The following MRPL27 variants were observed in gnomAD, a reference collection of about 807,000 sequenced individuals.
MRPL27 encodes large ribosomal subunit protein bL27m.
MRPL27 carries 4 observed loss-of-function variants against 14.6 expected under a neutral mutation model. The ratio of observed to expected loss-of-function variants is 0.27; its 90% CI spans 0.14 to 0.63. The LOEUF is 0.63. Ranked by LOEUF, MRPL27 falls within the 20% of genes least tolerant of loss-of-function variation. MRPL27 has a pLI of 0.85. For synonymous variants in MRPL27, 82 were observed against 75.5 expected (o/e 1.09, Z -0.45); for missense variants, 196 against 192.8 (o/e 1.02, Z -0.10).
chr17:50,371,568 G>C (rs1433299222), intron 1 of MRPL27, among the ~76,000 whole-genome samples: 1 of 152,190 alleles, frequency 6.6e-6, no homozygotes, highest in Non-Finnish European at 1.5e-5. Flanking sequence ...CTCCTTGCCT[G>C]CAGGTCTCCA....
chr17:50,372,254 T>C (rs562493026), intron 1 of MRPL27, among the ~76,000 whole-genome samples: 1 of 144,488 alleles, frequency 6.9e-6, no homozygotes, highest in African/African-American at 2.6e-5. Flanking sequence ...TCTTTTTTTT[T>C]TGGGGGGGGG....
intron 3 of MRPL27, 114 bp downstream of exon 3, chr17:50,369,918 C>T: frequency 2.6e-6 from 3 of 1,175,538 alleles, no homozygotes; most frequent in Non-Finnish European, 3.8e-6. Flanking sequence ...GGAATCAGCA[C>T]AATGCTTGCC....
chr17:50,369,039 G>C, intron 3 of MRPL27: 2 of 590,718 alleles, frequency 3.4e-6, no homozygotes, highest in South Asian at 4.2e-5. Context: ...GGGCTCTGGA[G>C]CCAGGATGCC....
rs1567812915 is a variant in MRPL27 at position 50,372,266 on chromosome 17, G to GGA, written c.40+864_40+865insTC. 1.1e-3 allele frequency among the ~76,000 whole-genome samples: 158 copies of GGA among 149,744 alleles called. 1 individual carries two copies. The highest frequency in any genetic ancestry group is 3.4e-3 in the African/African-American group (139 of 40,368). ...CATTCTTTTTTTTTTGGGGGGGGGG[G>GGA]ATAGGGCCCCATTCTGTCACCCAGG... On this transcript the variant is annotated intron_variant, in intron 1 of 3. Coordinates refer to ENST00000225969, the MANE Select transcript of MRPL27 (RefSeq NM_016504.3).
chr17:50,368,795 C>G lies in MRPL27; in HGVS notation c.241-497G>C, dbSNP rs895028136. 26 of 697,200 alleles carry G rather than the reference C, an allele frequency of 3.7e-5. No individual in the cohort carries two copies. The Admixed American group carries it at 5.3e-4, about 14-fold the overall frequency. 43.2% of individuals were successfully genotyped at this position (697,200 alleles called of 1,614,324 possible). ...ATCATACTACTGCATTAGCTAATACCCATGTAAGCCCTTTAATACACATTA... is the reference window on the plus strand; with the variant it reads ...ATCATACTACTGCATTAGCTAATACGCATGTAAGCCCTTTAATACACATTA... On this transcript the variant is annotated intron_variant, in intron 3 of 3. Transcript: ENST00000225969.
rs773308801 is a variant in MRPL27 at position 50,368,118 on chromosome 17, T to C, written c.421A>G (p.Thr141Ala). 6 of 1,614,186 alleles carry C rather than the reference T, an allele frequency of 3.7e-6. No individual in the cohort carries two copies. The highest frequency in any genetic ancestry group is 5.1e-6 in the Non-Finnish European group (6 of 1,180,030). The part of the protein sequence containing the change: ...VHVVPAKPEG[T>A]FKLVAML ...CAAAGCATAGCTACCAGTTTGAAGG[T>C]GCCCTCAGGCTTGGCAGGAACCACG... Residue 141 changes from threonine to alanine, a missense_variant, in exon 4 of 4, where the codon ACC becomes GCC. Thr to Ala is a moderately conservative substitution (Grantham distance 58, BLOSUM62 0). Coordinates refer to ENST00000225969, the MANE Select transcript of MRPL27 (RefSeq NM_016504.3).
intron 2 of MRPL27, 21 bp from the exon 3 acceptor site, chr17:50,370,120 G>C: frequency 6.3e-7 from 1 of 1,599,132 alleles, no homozygotes; most frequent in Non-Finnish European, 8.5e-7. Context: ...AGTCCACAGT[G>C]ACTGGGGCAG....
chr17:50,368,777 T>C, intron 3 of MRPL27: 1 of 691,084 alleles, frequency 1.4e-6, no homozygotes, highest in Admixed American at 2.1e-5. Flanking sequence ...ACAATCATAC[T>C]ACTGCATTAG....
chr17:50,369,891 G>C, intron 3 of MRPL27, 141 bp downstream of exon 3: 1 of 946,276 alleles, frequency 1.1e-6, no homozygotes, highest in Non-Finnish European at 1.7e-6. Flanking sequence ...AGGAAGAAAT[G>C]AGATCGTGTA....
At chr17:50,372,791 C>T (rs1489050912) in intron 1 of MRPL27, 2 of 363,320 alleles carry the variant, frequency 5.5e-6, no homozygotes, top group Non-Finnish European at 1.0e-5. Context: ...AGTAAGACCT[C>T]AATCTGCTGA....
Position 50,370,519 on chromosome 17 carries a change from A to G in MRPL27, c.108T>C (p.Gly36=). The G allele has an allele frequency of 6.2e-7, 1 of 1,614,090 alleles. No homozygotes were observed. The highest frequency in any genetic ancestry group is 8.5e-7 in the Non-Finnish European group (1 of 1,180,022). The part of the protein sequence containing the change: ...LAVRYASKKS[G]GSSKNLGGKS... ...TTCCACCGAGGTTTTTGGAGCTACC[A>G]CCCGACTTCTTGGATGCGTATCTGA... Residue 36 remains glycine (G), a synonymous_variant, in exon 2 of 4, where the codon GGT becomes GGC. Transcript: ENST00000225969.
chr17:50,373,050 C>G, intron 1 of MRPL27, 81 bp downstream of exon 1: 1 of 1,588,468 alleles, frequency 6.3e-7, no homozygotes, highest in Non-Finnish European at 8.6e-7. Context: ...CCGCGGGGAT[C>G]AGTGTCACCT....
intron 3 of MRPL27, chr17:50,369,800 T>G: frequency 1.7e-6 from 1 of 589,520 alleles, no homozygotes; most frequent in East Asian, 3.2e-5. Context: ...TAGGCAGACC[T>G]GGTGCAAATC....
rs1913105429 is a variant in MRPL27 at position 50,370,678 on chromosome 17, G to C, written c.41-92C>G. On this transcript the variant is annotated intron_variant, in intron 1 of 3. Coordinates refer to ENST00000225969, the MANE Select transcript of MRPL27 (RefSeq NM_016504.3). ...ATGCTGATACGTGAGAGGCGGTGGG[G>C]AGATGAGAAAGCTGTGTCAGGGGAG... 12 of 1,548,474 alleles carry C rather than the reference G, an allele frequency of 7.7e-6. No individual in the cohort carries two copies. In the South Asian group the frequency reaches 1.2e-4, roughly 16 times the overall value.
Position 50,368,057 on chromosome 17 carries a change from G to A in MRPL27, c.*35C>T. ...TGGTATCACCATCTCCTGTCACCTGGGCTCCAGTCTCTGTCCGATGGCCTC... is the reference window on the plus strand; with the variant it reads ...TGGTATCACCATCTCCTGTCACCTGAGCTCCAGTCTCTGTCCGATGGCCTC... On this transcript the variant is annotated 3_prime_UTR_variant, in exon 4 of 4. Transcript: ENST00000225969. 6.2e-7 allele frequency: 1 copy of A among 1,610,370 alleles called. No homozygotes were observed. The highest frequency in any genetic ancestry group is 8.5e-7 in the Non-Finnish European group (1 of 1,177,100).
intron 1 of MRPL27, among the ~76,000 whole-genome samples, chr17:50,372,508 G>A (rs1450402143): frequency 6.6e-6 from 1 of 152,190 alleles, no homozygotes; most frequent in Non-Finnish European, 1.5e-5. Context: ...GCCTCCCAAA[G>A]TGTTGGGACT....
chr17:50,368,079 C>T lies in MRPL27; in HGVS notation c.*13G>A, dbSNP rs779930594. ...CTGGGCTCCAGTCTCTGTCCGATGG[C>T]CTCAACAGGACATCAAAGCATAGCT... On this transcript the variant is annotated 3_prime_UTR_variant, in exon 4 of 4. Coordinates refer to ENST00000225969, the MANE Select transcript of MRPL27 (RefSeq NM_016504.3). 6.2e-7 allele frequency: 1 copy of T among 1,614,032 alleles called. No individual in the cohort carries two copies. The highest frequency in any genetic ancestry group is 8.5e-7 in the Non-Finnish European group (1 of 1,179,910).
rs767188409 is a variant in MRPL27 at position 50,373,119 on chromosome 17, G to T, written c.40+12C>A. On this transcript the variant is annotated intron_variant, in intron 1 of 3. Transcript: ENST00000225969. ...CCCGCCTCACCCCGCTCTGACTACT[G>T]CGTCCCATTACCGGCTGTCCGGGTC... 6.2e-7 allele frequency: 1 copy of T among 1,614,060 alleles called. No homozygotes were observed. The highest frequency in any genetic ancestry group is 8.5e-7 in the Non-Finnish European group (1 of 1,180,026).
chr17:50,370,772 G>A (rs1256559045), intron 1 of MRPL27, 186 bp from the exon 2 acceptor site: 3 of 676,240 alleles, frequency 4.4e-6, no homozygotes, highest in South Asian at 3.9e-5. Context: ...CCTTTTGGGG[G>A]AGGGGGCGGG....
Sources: gnomAD v4.1 joint callset for allele counts (sites outside exome capture counted in the v4.1 genomes callset) on GRCh38, gnomAD v4.1.1 for gene constraint, MANE v1.5 for transcripts, NCBI Gene and HGNC (gene_info 2026-07-23, HGNC 2026-07-21) for gene names.